DAB1: variants seen among roughly 807,000 people sequenced by gnomAD.
DAB1 encodes the protein DAB adaptor protein 1.
In DAB1, 15 loss-of-function variants were observed where a neutral mutation model predicts 64.6. That is an observed-to-expected ratio of 0.23 (90% CI 0.16 to 0.36). The LOEUF is 0.36. DAB1 is among the 10% of genes least tolerant of loss of function. The pLI, the probability that DAB1 is intolerant of heterozygous loss-of-function variation, is 1.00. For missense variants in DAB1, 596 were observed against 706.7 expected, an observed-to-expected ratio of 0.84 and a Z score of 1.78; for synonymous variants, 235 against 251.9, an observed-to-expected ratio of 0.93 and a Z score of 0.64.
intron 6 of DAB1, among the ~76,000 whole-genome samples, chr1:57,671,607 C>G (rs11207091): frequency 0.27 from 40,367 of 151,978 alleles, 6,873 homozygotes; most frequent in East Asian, 0.57. Flanking sequence ...TGTAGACCAT[C>G]AGACTGCCCA....
rs1023377747 is a variant in DAB1, at chr1:57,114,585, A to G, written c.306+21958T>C. Among the ~76,000 whole-genome samples, 86 of 152,212 alleles carry G rather than the reference A, an allele frequency of 5.7e-4. 2 individuals are homozygous for G. The highest frequency in any genetic ancestry group is 2.1e-4 in the Non-Finnish European group (14 of 68,026). On this transcript the variant is annotated intron_variant, in intron 4 of 14. Transcript: ENST00000371236. ...GAAGTCAATCAGGTGTATTTGCTGCATCGATTAGCACTTCAGTATGAAGGA... is the reference window on the plus strand; with the variant it reads ...GAAGTCAATCAGGTGTATTTGCTGCGTCGATTAGCACTTCAGTATGAAGGA...
At chr1:57,080,918 A>G (rs576876884) in intron 4 of DAB1, among the ~76,000 whole-genome samples, 3 of 152,262 alleles carry the variant, frequency 2.0e-5, no homozygotes, top group South Asian at 2.1e-4. Flanking sequence ...TTCAACTCAC[A>G]TTCATTCCCC....
intron 1 of DAB1, among the ~76,000 whole-genome samples, chr1:57,370,809 T>G (rs1355839376): frequency 6.6e-6 from 1 of 152,190 alleles, no homozygotes; most frequent in Non-Finnish European, 1.5e-5. Flanking sequence ...CTTGTAAATA[T>G]TTTTTATGGT....
intron 7 of DAB1, among the ~76,000 whole-genome samples, chr1:57,435,050 T>C (rs1475499630): frequency 2.1e-5 from 3 of 140,578 alleles, no homozygotes; most frequent in African/African-American, 5.4e-5. Context: ...TTTTTTCTTT[T>C]TTTTTTTTTT....
intron 5 of DAB1, among the ~76,000 whole-genome samples, chr1:58,016,627 G>T (rs972068044): frequency 6.6e-6 from 1 of 151,946 alleles, no homozygotes; most frequent in African/African-American, 2.4e-5. Flanking sequence ...CTTAGCAAAT[G>T]CCACCATCAC....
At chr1:58,057,790 C>A (rs1475618703) in intron 5 of DAB1, among the ~76,000 whole-genome samples, 3 of 152,122 alleles carry the variant, frequency 2.0e-5, no homozygotes, top group African/African-American at 7.2e-5. Flanking sequence ...AATACATATA[C>A]CCACCAACTC....
At chr1:58,002,680 T>TAG (rs1481276534) in intron 5 of DAB1, among the ~76,000 whole-genome samples, 9 of 151,770 alleles carry the variant, frequency 5.9e-5, no homozygotes, top group Admixed American at 2.0e-4. Context: ...TATATATATA[T>TAG]AGAGAGAGAG....
rs74332405 is a variant in DAB1 at position 57,081,219 on chromosome 1, A to G, written c.307-8805T>C. Among the ~76,000 whole-genome samples, 1,465 of 152,254 alleles carry G rather than the reference A, an allele frequency of 9.6e-3. 9 individuals carry two copies. Among genetic ancestry groups the G allele is most frequent in the Non-Finnish European group, 0.014 (983 of 68,020 alleles). ...GTAAAATGGGAATGATTCCTTTCTCATAGGGATATAAGGAAGATCACTTAA... is the reference window on the plus strand; with the variant it reads ...GTAAAATGGGAATGATTCCTTTCTCGTAGGGATATAAGGAAGATCACTTAA... On this transcript the variant is annotated intron_variant, in intron 4 of 14. Coordinates refer to ENST00000371236, the MANE Select transcript of DAB1 (RefSeq NM_001365792.1).
chr1:57,516,013 C>T lies in DAB1; in HGVS notation n.625+133579G>A, dbSNP rs117237894. On this transcript the variant is annotated intron_variant and non_coding_transcript_variant, in intron 7 of 20. Transcript: ENST00000485760. Reference sequence around the variant, plus strand: ...AAATGCTAGGACTTAGAGTTGAATACGTAAGTCATTTCACGTGTATAGACT... The same window carrying T: ...AAATGCTAGGACTTAGAGTTGAATATGTAAGTCATTTCACGTGTATAGACT... Among the ~76,000 whole-genome samples the T allele has an allele frequency of 6.4e-4, 98 of 152,288 alleles. 2 individuals are homozygous for T. The East Asian group carries it at 0.019, about 29-fold the overall frequency.
At chr1:57,245,154 T>C (rs767648158) in intron 2 of DAB1, among the ~76,000 whole-genome samples, 1 of 152,198 alleles carries the variant, frequency 6.6e-6, no homozygotes, top group Non-Finnish European at 1.5e-5. Context: ...GAAGAACTTA[T>C]TGGGAACTGG....
At chr1:58,523,607 C>T (rs1275163545) in intron 2 of DAB1, among the ~76,000 whole-genome samples, 2 of 152,116 alleles carry the variant, frequency 1.3e-5, no homozygotes, top group Non-Finnish European at 2.9e-5. Context: ...GTAAAAAGAA[C>T]TGGCAGTCCT....
chr1:57,264,329 C>T lies in DAB1; in HGVS notation c.67+26635G>A, dbSNP rs147743748. On this transcript the variant is annotated intron_variant, in intron 2 of 14. Transcript: ENST00000371236. ...CCTTGTTAGAACTTACAGTCTATCA[C>T]GGAAAACAGATACTCAACAGGAAAC... Among the ~76,000 whole-genome samples the T allele has an allele frequency of 6.8e-4, 104 of 152,126 alleles. 1 individual carries two copies. The South Asian group carries it at 0.017, about 25-fold the overall frequency.
chr1:57,248,902 C>T (rs911458967), intron 2 of DAB1, among the ~76,000 whole-genome samples: 2 of 152,182 alleles, frequency 1.3e-5, no homozygotes, highest in African/African-American at 4.8e-5. Flanking sequence ...GAGTCCCTTG[C>T]AGTTGCAGCA....
chr1:58,169,664 C>CT lies in DAB1; in HGVS notation n.310-19077dup, dbSNP rs1440830999. On this transcript the variant is annotated intron_variant and non_coding_transcript_variant, in intron 4 of 20. Coordinates refer to the DAB1 transcript ENST00000485760. ...AAGGAGAATACACAACTATGCAAAGCTTGCAATTTACACCCCACAGGAGGA... is the reference window on the plus strand; with the variant it reads ...AAGGAGAATACACAACTATGCAAAGCTTTGCAATTTACACCCCACAGGAGGA... Among the ~76,000 whole-genome samples the CT allele has an allele frequency of 2.0e-5, 3 of 152,258 alleles. No homozygotes were observed. The East Asian group carries it at 5.8e-4, about 29-fold the overall frequency.
At position 57,120,383 on chromosome 1, in the gene DAB1, T is replaced by C. The variant is rs151249382; in HGVS notation, c.306+16160A>G. Reference sequence around the variant, plus strand: ...CACCGGTGAAACCACTGCTCCTGCTTTCAAGGGATCTGAAATCATAGGAAG... The same window carrying C: ...CACCGGTGAAACCACTGCTCCTGCTCTCAAGGGATCTGAAATCATAGGAAG... On this transcript the variant is annotated intron_variant, in intron 4 of 14. Coordinates refer to ENST00000371236, the MANE Select transcript of DAB1 (RefSeq NM_001365792.1). 2.5e-3 allele frequency among the ~76,000 whole-genome samples: 382 copies of C among 152,290 alleles called. 3 individuals are homozygous for C. Among genetic ancestry groups the C allele is most frequent in the African/African-American group, 8.4e-3 (347 of 41,556 alleles).
chr1:57,813,801 T>G (rs1651735592), intron 6 of DAB1, among the ~76,000 whole-genome samples: 1 of 152,248 alleles, frequency 6.6e-6, no homozygotes, highest in South Asian at 2.1e-4. Context: ...TGGGAATTTA[T>G]TGCATCGAAG....
At chr1:57,508,871 C>T (rs970859881) in intron 7 of DAB1, among the ~76,000 whole-genome samples, 1 of 151,754 alleles carries the variant, frequency 6.6e-6, no homozygotes, top group Non-Finnish European at 1.5e-5. Context: ...TATAAGCATA[C>T]ACATATATAA....
chr1:57,638,532 C>G (rs1370250310), intron 7 of DAB1, among the ~76,000 whole-genome samples: 1 of 152,114 alleles, frequency 6.6e-6, no homozygotes, highest in African/African-American at 2.4e-5. Context: ...ATCATCATAA[C>G]TCAGCTTAGT....
intron 7 of DAB1, among the ~76,000 whole-genome samples, chr1:57,595,791 G>A (rs1558525877): frequency 6.6e-6 from 1 of 152,072 alleles, no homozygotes; most frequent in Non-Finnish European, 1.5e-5. Flanking sequence ...AGGTTGTTTA[G>A]AAATGTGTAG....
Sources: allele counts gnomAD v4.1 joint callset (sites outside exome capture counted in the v4.1 genomes callset), GRCh38; gene constraint gnomAD v4.1.1; transcripts MANE v1.5; gene names NCBI Gene and HGNC (gene_info 2026-07-23, HGNC 2026-07-21).